MGRN1: variants seen among roughly 807,000 people sequenced by gnomAD.
MGRN1 encodes the protein E3 ubiquitin-protein ligase MGRN1.
In MGRN1, 29 loss-of-function variants were observed where a neutral mutation model predicts 69.2. The ratio of observed to expected loss-of-function variants is 0.42; its 90% CI spans 0.31 to 0.57. The LOEUF (loss-of-function observed/expected upper bound fraction) is 0.57. Among genes scored for constraint, MGRN1 ranks in the 20% least tolerant of loss-of-function variants. The pLI is 0.15. For missense variants in MGRN1, 998 were observed against 796.2 expected (o/e 1.25, Z -3.05); for synonymous variants, 470 against 344.2 (o/e 1.37, Z -4.04).
intron 4 of MGRN1, among the ~76,000 whole-genome samples, chr16:4,656,091 C>A (rs1359749109): frequency 1.3e-5 from 2 of 152,184 alleles, no homozygotes; most frequent in African/African-American, 4.8e-5. Flanking sequence ...CCTGTGGAGC[C>A]CTGGCCACAG....
intron 1 of MGRN1, among the ~76,000 whole-genome samples, chr16:4,643,772 C>T (rs776733564): frequency 6.6e-6 from 1 of 152,096 alleles, no homozygotes; most frequent in Non-Finnish European, 1.5e-5. Flanking sequence ...GTGAGTTTTT[C>T]GTGTTTTGAA....
chr16:4,631,731 A>G (rs901216890), intron 1 of MGRN1, among the ~76,000 whole-genome samples: 1 of 152,196 alleles, frequency 6.6e-6, no homozygotes, highest in South Asian at 2.1e-4. Context: ...ATTTCCATAT[A>G]CATTTTATAA....
At chr16:4,681,801 A>T in intron 13 of MGRN1, 25 bp downstream of exon 13, 1 of 1,599,746 alleles carries the variant, frequency 6.3e-7, no homozygotes, top group South Asian at 1.1e-5. Flanking sequence ...GGCCAGGTGC[A>T]TGGCAGGGTG....
chr16:4,665,553 G>GA (rs1404409783), intron 7 of MGRN1, among the ~76,000 whole-genome samples: 2 of 151,552 alleles, frequency 1.3e-5, no homozygotes, highest in Admixed American at 1.3e-4. Context: ...ATGTTTAGTA[G>GA]AAACAGCGTT....
Position 4,661,143 on chromosome 16 carries a change from ATTTTT to A in MGRN1, c.562-3555_562-3551del, listed in dbSNP as rs112367751. Reference sequence around the variant, plus strand: ...CTACAGGTGCCACAACTACTGGCTGATTTTTTTTTTTTTTTGGTAGAGACAGAGTT... The same window carrying A: ...CTACAGGTGCCACAACTACTGGCTGATTTTTTTTTTGGTAGAGACAGAGTT... On this transcript the variant is annotated intron_variant, in intron 5 of 16. Coordinates refer to ENST00000262370, the MANE Select transcript of MGRN1 (RefSeq NM_015246.4). 2.1e-5 allele frequency among the ~76,000 whole-genome samples: 3 copies of A among 145,042 alleles called. No individual in the cohort carries two copies. The South Asian group carries it at 6.6e-4, about 32-fold the overall frequency.
At chr16:4,647,112 G>A (rs376614253) in intron 1 of MGRN1, among the ~76,000 whole-genome samples, 4 of 152,252 alleles carry the variant, frequency 2.6e-5, no homozygotes, top group African/African-American at 4.8e-5. Context: ...CCCTCTTGCC[G>A]TGCTGCTGTG....
Position 4,645,652 on chromosome 16 carries a change from G to A in MGRN1, c.89-4713G>A, listed in dbSNP as rs562229334. Among the ~76,000 whole-genome samples the A allele has an allele frequency of 3.3e-4, 50 of 152,292 alleles. No individual in the cohort carries two copies. In the South Asian group the frequency reaches 3.3e-3, roughly 10 times the overall value. On this transcript the variant is annotated intron_variant, in intron 1 of 16. Coordinates refer to ENST00000262370, the MANE Select transcript of MGRN1 (RefSeq NM_015246.4). The stretch of plus-strand genomic sequence containing the variant: ...TAAAAGGGGTGTCAGAAGAGGCCTC[G>A]TGGAGAGAGCAGCCTGAGGTAGAGC...
At chr16:4,661,441 G>T (rs534562427) in intron 5 of MGRN1, among the ~76,000 whole-genome samples, 13 of 152,376 alleles carry the variant, frequency 8.5e-5, no homozygotes, top group Non-Finnish European at 1.9e-4. Flanking sequence ...GGGCTTCAGG[G>T]TGCTGGTGTT....
At chr16:4,684,846 T>A (rs1459713419) in intron 16 of MGRN1, among the ~76,000 whole-genome samples, 1 of 152,212 alleles carries the variant, frequency 6.6e-6, no homozygotes, top group East Asian at 1.9e-4. Flanking sequence ...GGAGTGTGGC[T>A]CTTCCCTCGC....
intron 10 of MGRN1, chr16:4,677,027 T>G (rs149252364): frequency 2.0e-3 from 311 of 156,548 alleles, no homozygotes; most frequent in Non-Finnish European, 3.7e-3. Flanking sequence ...GACTGCTGAT[T>G]TGCAGTCACG....
rs774903318 is a variant in MGRN1, at chr16:4,688,806, C to T, written c.1629C>T (p.Thr543=). The part of the protein sequence containing the change: ...PADIYLPGRP[T]SMETAHGLAT... ...TGCTCCCACCTGCAGGACGGCCCAC[C>T]TCCATGGAGACGGCCCACGGCCTCG... is the stretch of plus-strand genomic sequence containing the variant. The change falls in exon 17 of 17, where the codon ACC becomes ACT. Residue 543 remains threonine, a synonymous_variant. Coordinates refer to ENST00000262370, the MANE Select transcript of MGRN1 (RefSeq NM_015246.4). 3.9e-6 allele frequency: 6 copies of T among 1,550,418 alleles called. No individual in the cohort carries two copies. Among genetic ancestry groups the T allele is most frequent in the South Asian group, 3.6e-5 (3 of 84,312 alleles).
At chr16:4,684,029 C>A in intron 16 of MGRN1, 97 bp downstream of exon 16, 2 of 1,077,402 alleles carry the variant, frequency 1.9e-6, no homozygotes, top group Admixed American at 2.1e-5. Flanking sequence ...GCAGCAGAGG[C>A]TGTCCATTGG....
At chr16:4,667,582 C>A (rs958541562) in intron 7 of MGRN1, among the ~76,000 whole-genome samples, 2 of 152,188 alleles carry the variant, frequency 1.3e-5, no homozygotes, top group Admixed American at 6.5e-5. Flanking sequence ...TTTTTGGAGT[C>A]CAACATTCTG....
At chr16:4,668,486 A>C (rs2078857047) in intron 8 of MGRN1, among the ~76,000 whole-genome samples, 174 bp downstream of exon 8, 1 of 151,630 alleles carries the variant, frequency 6.6e-6, no homozygotes, top group South Asian at 2.1e-4. Flanking sequence ...CATACATACC[A>C]TCAGACACTC....
chr16:4,673,468 C>G, intron 9 of MGRN1, 30 bp from the exon 10 acceptor site: 1 of 1,605,232 alleles, frequency 6.2e-7, no homozygotes, highest in Non-Finnish European at 8.5e-7. Flanking sequence ...CTTTGGGAGG[C>G]TGCTGACCCA....
chr16:4,677,627 G>A, intron 11 of MGRN1, 55 bp downstream of exon 11: 2 of 1,542,774 alleles, frequency 1.3e-6, no homozygotes, highest in East Asian at 2.3e-5. Flanking sequence ...GAGTGCCTGG[G>A]CCAGGCGCAA....
At chr16:4,657,553 T>TG (rs1387389944) in intron 5 of MGRN1, among the ~76,000 whole-genome samples, 190 bp downstream of exon 5, 3 of 152,132 alleles carry the variant, frequency 2.0e-5, no homozygotes, top group Non-Finnish European at 4.4e-5. Context: ...CATGTGCTGA[T>TG]GGGGCCAGGG....
intron 1 of MGRN1, among the ~76,000 whole-genome samples, chr16:4,627,896 C>T (rs2141814305): frequency 6.6e-6 from 1 of 150,584 alleles, no homozygotes. Context: ...CTGGCTAACA[C>T]CGTGAAACCC....
intron 1 of MGRN1, among the ~76,000 whole-genome samples, chr16:4,636,923 T>C (rs1157559364): frequency 1.3e-5 from 2 of 149,622 alleles, no homozygotes; most frequent in Non-Finnish European, 3.0e-5. Flanking sequence ...ATCGAGACCA[T>C]CCTGGCTAAC....
Sources: allele counts gnomAD v4.1 joint callset (sites outside exome capture counted in the v4.1 genomes callset), GRCh38; gene constraint gnomAD v4.1.1; transcripts MANE v1.5; gene names NCBI Gene and HGNC (gene_info 2026-07-23, HGNC 2026-07-21).